Variants in MDFIC observed in about 807,000 individuals in gnomAD.
The protein encoded by MDFIC is myoD family inhibitor domain-containing protein.
A neutral mutation model predicts 23.2 loss-of-function variants in MDFIC; 17 were observed. That is an observed-to-expected ratio of 0.73 (90% CI 0.50 to 1.10). The LOEUF (loss-of-function observed/expected upper bound fraction) is 1.10, where lower values mean the gene tolerates loss of function less well. MDFIC is among the 50% of genes least tolerant of loss of function. MDFIC has a pLI of 0.00. For missense variants in MDFIC, 356 were observed against 316.6 expected, an observed-to-expected ratio of 1.12 and a Z score of -0.95; for synonymous variants, 120 against 115.2, an observed-to-expected ratio of 1.04 and a Z score of -0.27.
chr7:114,997,801 G>GAGAA (rs1014966030), intron 4 of MDFIC, among the ~76,000 whole-genome samples: 3 of 150,276 alleles, frequency 2.0e-5, no homozygotes, highest in Admixed American at 6.6e-5. Flanking sequence ...AAGAAAGAAA[G>GAGAA]AGAAAGAAAG....
chr7:114,955,320 A>G (rs1057304905), intron 3 of MDFIC, among the ~76,000 whole-genome samples: 1 of 151,970 alleles, frequency 6.6e-6, no homozygotes, highest in Non-Finnish European at 1.5e-5. Flanking sequence ...TGTTATTTGC[A>G]CCTCTGTCCA....
At chr7:114,937,581 C>A (rs376226357) in intron 2 of MDFIC, among the ~76,000 whole-genome samples, 5 of 152,332 alleles carry the variant, frequency 3.3e-5, no homozygotes, top group East Asian at 3.9e-4. Context: ...AGGATGAAGA[C>A]AATGAGTCCC....
At chr7:114,991,847 C>T (rs921613023) in intron 4 of MDFIC, among the ~76,000 whole-genome samples, 1 of 152,046 alleles carries the variant, frequency 6.6e-6, no homozygotes, top group Non-Finnish European at 1.5e-5. Context: ...TTTTTTGGTT[C>T]CATATGAACT....
chr7:114,952,399 A>G (rs1292682069), intron 3 of MDFIC, among the ~76,000 whole-genome samples: 2 of 148,714 alleles, frequency 1.3e-5, no homozygotes, highest in African/African-American at 4.9e-5. Flanking sequence ...GCTGAGAATC[A>G]GTACCTGATT....
Position 114,922,503 on chromosome 7 carries a change from A to C in MDFIC, c.-241A>C. On this transcript the variant is annotated 5_prime_UTR_variant, in exon 1 of 5. Transcript: ENST00000393486. ...GCCGGAGGGAGGCGGGAGGACGCGC[A>C]GGGGCGGCCGCCGCCGTCGTCAGGC... The C allele has an allele frequency of 8.0e-7, 1 of 1,255,756 alleles. No individual in the cohort carries two copies. Among genetic ancestry groups the C allele is most frequent in the Non-Finnish European group, 1.0e-6 (1 of 993,952 alleles). 77.8% of individuals were successfully genotyped at this position (1,255,756 alleles called of 1,614,324 possible).
At chr7:114,975,093 G>A (rs902132168) in intron 3 of MDFIC, among the ~76,000 whole-genome samples, 2 of 151,784 alleles carry the variant, frequency 1.3e-5, no homozygotes, top group African/African-American at 4.8e-5. Flanking sequence ...ATTTAAAATG[G>A]GGTCTTTTGT....
chr7:114,995,664 T>C (rs1416780025), intron 4 of MDFIC, among the ~76,000 whole-genome samples: 2 of 152,212 alleles, frequency 1.3e-5, no homozygotes, highest in African/African-American at 4.8e-5. Flanking sequence ...ACAGCAAATA[T>C]TGCTGAACAG....
intron 3 of MDFIC, among the ~76,000 whole-genome samples, chr7:114,969,019 C>G (rs1212281786): frequency 2.0e-5 from 3 of 152,090 alleles, no homozygotes; most frequent in Admixed American, 2.0e-4. Context: ...GCTTTTATTA[C>G]AAGGAGGAAA....
intron 4 of MDFIC, among the ~76,000 whole-genome samples, chr7:115,011,422 A>G (rs1288016543): frequency 6.6e-6 from 1 of 152,230 alleles, no homozygotes; most frequent in Non-Finnish European, 1.5e-5. Flanking sequence ...TTTTGAAAAC[A>G]GCAAATAAAT....
At chr7:114,969,675 G>A (rs983591059) in intron 3 of MDFIC, among the ~76,000 whole-genome samples, 1 of 152,136 alleles carries the variant, frequency 6.6e-6, no homozygotes, top group Non-Finnish European at 1.5e-5. Flanking sequence ...TATCTACTAT[G>A]GTCTTGTTTT....
At chr7:115,013,670 A>G (rs550396661) in intron 4 of MDFIC, among the ~76,000 whole-genome samples, 11 of 152,350 alleles carry the variant, frequency 7.2e-5, no homozygotes, top group African/African-American at 2.6e-4. Context: ...CTAAGTAATA[A>G]TGAAGCTGGC....
intron 4 of MDFIC, among the ~76,000 whole-genome samples, chr7:114,999,976 A>G (rs182814360): frequency 1.3e-5 from 2 of 152,278 alleles, no homozygotes; most frequent in Admixed American, 6.5e-5. Context: ...ACTAATCACT[A>G]CTTTTAAAAT....
intron 2 of MDFIC, among the ~76,000 whole-genome samples, chr7:114,927,146 G>A (rs1478234343): frequency 1.3e-5 from 2 of 152,110 alleles, no homozygotes; most frequent in Non-Finnish European, 2.9e-5. Flanking sequence ...TATCCTTGAG[G>A]CAACTGACGT....
intron 4 of MDFIC, among the ~76,000 whole-genome samples, chr7:114,995,282 A>T (rs1563152294): frequency 6.6e-6 from 1 of 151,944 alleles, no homozygotes; most frequent in Non-Finnish European, 1.5e-5. Context: ...CTTCTTTGTG[A>T]TGGGTTCGAA....
intron 3 of MDFIC, among the ~76,000 whole-genome samples, chr7:114,943,815 C>CT (rs112058252): frequency 2.9e-4 from 44 of 151,846 alleles, no homozygotes; most frequent in African/African-American, 1.0e-3. Flanking sequence ...GGTTTTCTCA[C>CT]TTTTTTTTCG....
Position 115,019,812 on chromosome 7 carries a change from C to G in MDFIC, c.*3877C>G, listed in dbSNP as rs764487696. Among the ~76,000 whole-genome samples, 1 of 152,038 alleles carries G rather than the reference C, an allele frequency of 6.6e-6. No individual in the cohort carries two copies. The highest frequency in any genetic ancestry group is 2.4e-5 in the African/African-American group (1 of 41,414). ...GGTTAATATATTAATAGGGTTTGTT[C>G]CACACTTACTATTTATAGTTTTTAT... On this transcript the variant is annotated 3_prime_UTR_variant, in exon 5 of 5. Coordinates refer to ENST00000393486, the MANE Select transcript of MDFIC (RefSeq NM_001166345.3).
At chr7:115,009,750 A>G (rs963180018) in intron 4 of MDFIC, among the ~76,000 whole-genome samples, 2 of 152,212 alleles carry the variant, frequency 1.3e-5, no homozygotes, top group African/African-American at 2.4e-5. Context: ...GTAGGACTCA[A>G]AGATTTTGTT....
chr7:115,007,862 ATTT>A (rs35353301), intron 4 of MDFIC, among the ~76,000 whole-genome samples: 1 of 111,000 alleles, frequency 9.0e-6, no homozygotes, highest in Non-Finnish European at 1.8e-5. Flanking sequence ...TACTCAGCTA[ATTT>A]TTTTTTTTTT....
intron 3 of MDFIC, among the ~76,000 whole-genome samples, chr7:114,946,357 T>C (rs753654144): frequency 6.6e-6 from 1 of 152,170 alleles, no homozygotes; most frequent in Non-Finnish European, 1.5e-5. Context: ...TTTTTCTTTG[T>C]TCCTCTTTAT....
Sources: allele counts gnomAD v4.1 joint callset (sites outside exome capture counted in the v4.1 genomes callset), GRCh38; gene constraint gnomAD v4.1.1; transcripts MANE v1.5; gene names NCBI Gene and HGNC (gene_info 2026-07-23, HGNC 2026-07-21).